TAFA5: variants seen among roughly 807,000 people sequenced by gnomAD.
TAFA5 encodes TAFA chemokine like family member 5, also known as chemokine-like protein TAFA-5.
Under a neutral mutation model 15.3 loss-of-function variants are expected in TAFA5, and 6 were observed. That is an observed-to-expected ratio of 0.39 (90% CI 0.21 to 0.77). TAFA5 has a LOEUF of 0.77. Ranked by LOEUF, TAFA5 falls within the 30% of genes least tolerant of loss-of-function variation. TAFA5 has a pLI of 0.41. For synonymous variants in TAFA5, 103 were observed against 80.7 expected (o/e 1.28, Z -1.48); for missense variants, 161 against 193.1 (o/e 0.83, Z 0.98).
rs543721085 is a variant in TAFA5 at position 48,687,612 on chromosome 22, G to A, written c.263-20105G>A. On this transcript the variant is annotated intron_variant, in intron 2 of 3. Transcript: ENST00000402357. ...GCCTCCGTGTTAATTTTGCCATGGC[G>A]AGTGCCTCCCCTTGAGGCAGTGACA... Among the ~76,000 whole-genome samples the A allele has an allele frequency of 2.0e-3, 305 of 152,208 alleles. 1 individual carries two copies. The highest frequency in any genetic ancestry group is 5.7e-3 in the African/African-American group (237 of 41,524).
intron 2 of TAFA5, among the ~76,000 whole-genome samples, chr22:48,703,037 G>C (rs1012700322): frequency 6.6e-6 from 1 of 152,246 alleles, no homozygotes; most frequent in South Asian, 2.1e-4. Flanking sequence ...GGGTGCATGT[G>C]CAGATACATA....
intron 1 of TAFA5, among the ~76,000 whole-genome samples, chr22:48,534,762 G>A (rs927809141): frequency 6.6e-6 from 1 of 152,186 alleles, no homozygotes; most frequent in South Asian, 2.1e-4. Flanking sequence ...GGCGGGCACC[G>A]CGGGCGCACC....
chr22:48,533,470 G>A (rs886665383), intron 1 of TAFA5, among the ~76,000 whole-genome samples: 1 of 152,206 alleles, frequency 6.6e-6, no homozygotes, highest in Admixed American at 6.5e-5. Flanking sequence ...TTGGCCTCCA[G>A]GCTGCAAGTC....
chr22:48,569,636 A>G (rs1448570138), intron 1 of TAFA5, among the ~76,000 whole-genome samples: 3 of 152,196 alleles, frequency 2.0e-5, no homozygotes, highest in Non-Finnish European at 2.9e-5. Flanking sequence ...CCATGGGCCC[A>G]GTCTGCTGTC....
At chr22:48,619,980 TG>T (rs906333691) in intron 1 of TAFA5, among the ~76,000 whole-genome samples, 22 of 152,348 alleles carry the variant, frequency 1.4e-4, no homozygotes, top group African/African-American at 4.8e-4. Flanking sequence ...ACATGTGGGT[TG>T]GAGATTTGCC....
At chr22:48,592,831 C>T (rs915137123) in intron 1 of TAFA5, among the ~76,000 whole-genome samples, 1 of 152,162 alleles carries the variant, frequency 6.6e-6, no homozygotes, top group African/African-American at 2.4e-5. Context: ...GTGCGGGGAG[C>T]ATTCCTGGAG....
At chr22:48,672,934 A>G (rs767060609) in intron 2 of TAFA5, among the ~76,000 whole-genome samples, 3 of 152,158 alleles carry the variant, frequency 2.0e-5, no homozygotes, top group Non-Finnish European at 4.4e-5. Flanking sequence ...TCCTAATGGC[A>G]TTTGGTGCTC....
rs1009495 is a variant in TAFA5, at chr22:48,637,711, G to A, written c.113-8886G>A. Reference sequence around the variant, plus strand: ...ATCTGTGTGTGCACGTGTGGGGCATGTGGTGTGTCTGGGACGAGGCAGAGT... The same window carrying A: ...ATCTGTGTGTGCACGTGTGGGGCATATGGTGTGTCTGGGACGAGGCAGAGT... On this transcript the variant is annotated intron_variant, in intron 1 of 3. Coordinates refer to ENST00000402357, the MANE Select transcript of TAFA5 (RefSeq NM_001082967.3). Among the ~76,000 whole-genome samples, 319 of 152,202 alleles carry A rather than the reference G, an allele frequency of 2.1e-3. 11 individuals carry two copies. The East Asian group carries it at 0.053, about 25-fold the overall frequency.
intron 1 of TAFA5, among the ~76,000 whole-genome samples, chr22:48,508,021 G>T (rs972982656): frequency 2.0e-5 from 3 of 152,036 alleles, no homozygotes; most frequent in Non-Finnish European, 2.9e-5. Context: ...GGGGTTGTTG[G>T]GCAGTGGGGA....
At chr22:48,610,221 C>T (rs1925348378) in intron 1 of TAFA5, among the ~76,000 whole-genome samples, 1 of 152,002 alleles carries the variant, frequency 6.6e-6, no homozygotes, top group Non-Finnish European at 1.5e-5. Flanking sequence ...CTGCTGCAGG[C>T]ACGTTCCTGA....
chr22:48,517,760 T>C (rs997649383), intron 1 of TAFA5, among the ~76,000 whole-genome samples: 3 of 151,800 alleles, frequency 2.0e-5, no homozygotes, highest in African/African-American at 7.3e-5. Flanking sequence ...CTGGCCTGCC[T>C]GCTTCCCGGG....
intron 3 of TAFA5, 96 bp from the exon 4 acceptor site, chr22:48,749,743 C>T (rs1930426820): frequency 7.0e-7 from 1 of 1,429,340 alleles, no homozygotes; most frequent in Non-Finnish European, 9.6e-7. Context: ...AGGAGGCCGG[C>T]TGGCAGGAGC....
chr22:48,608,923 C>T (rs779676447), intron 1 of TAFA5, among the ~76,000 whole-genome samples: 20 of 152,260 alleles, frequency 1.3e-4, no homozygotes, highest in Admixed American at 3.9e-4. Flanking sequence ...CCATGCTTTG[C>T]TGTCCGCAGT....
intron 1 of TAFA5, among the ~76,000 whole-genome samples, chr22:48,568,214 C>A (rs1923471118): frequency 6.6e-6 from 1 of 152,256 alleles, no homozygotes; most frequent in Non-Finnish European, 1.5e-5. Flanking sequence ...GAAAGCAGCA[C>A]CTTCCCCCTG....
At chr22:48,571,587 T>G (rs934267638) in intron 1 of TAFA5, among the ~76,000 whole-genome samples, 5 of 134,666 alleles carry the variant, frequency 3.7e-5, no homozygotes, top group African/African-American at 9.1e-5. Context: ...TTTTTTTTTT[T>G]TTTTTTTTTT....
chr22:48,599,117 T>G (rs1032639383), intron 1 of TAFA5, among the ~76,000 whole-genome samples: 1 of 152,208 alleles, frequency 6.6e-6, no homozygotes, highest in African/African-American at 2.4e-5. Context: ...TCCCCCCATC[T>G]TTTAGGAGTT....
intron 1 of TAFA5, among the ~76,000 whole-genome samples, chr22:48,562,600 C>G (rs1016741214): frequency 2.0e-5 from 3 of 152,172 alleles, no homozygotes; most frequent in Non-Finnish European, 4.4e-5. Flanking sequence ...GGGAATTTAG[C>G]TCCTGTGGGG....
At chr22:48,533,720 T>C (rs970843751) in intron 1 of TAFA5, among the ~76,000 whole-genome samples, 6 of 152,172 alleles carry the variant, frequency 3.9e-5, no homozygotes, top group Non-Finnish European at 8.8e-5. Flanking sequence ...CAGAATGAAA[T>C]TTCGCAGTGA....
At chr22:48,706,455 T>G (rs1355936426) in intron 2 of TAFA5, among the ~76,000 whole-genome samples, 2 of 152,008 alleles carry the variant, frequency 1.3e-5, no homozygotes. Context: ...GCACGTAGAG[T>G]GGGGTGCCTG....
Sources: gnomAD v4.1 joint callset for allele counts (sites outside exome capture counted in the v4.1 genomes callset) on GRCh38, gnomAD v4.1.1 for gene constraint, MANE v1.5 for transcripts, NCBI Gene and HGNC (gene_info 2026-07-23, HGNC 2026-07-21) for gene names.